Variants in LRP1B observed in about 807,000 individuals in gnomAD.
LRP1B encodes low-density lipoprotein receptor-related protein 1B.
In LRP1B, 217 loss-of-function variants were observed where a neutral mutation model predicts 556.6. That is an observed-to-expected ratio of 0.39 (90% CI 0.35 to 0.44). The LOEUF is 0.44. Among genes scored for constraint, LRP1B ranks in the 20% least tolerant of loss-of-function variants. The pLI, the probability that LRP1B is intolerant of heterozygous loss-of-function variation, is 1.00. For synonymous variants in LRP1B, 2,047 were observed against 1,865.8 expected (o/e 1.10, Z -2.50); for missense variants, 5,053 against 5,620.8 (o/e 0.90, Z 3.23).
chr2:141,222,332 A>C (rs1459943631), intron 6 of LRP1B, among the ~76,000 whole-genome samples: 1 of 152,216 alleles, frequency 6.6e-6, no homozygotes, highest in Non-Finnish European at 1.5e-5. Flanking sequence ...CCCAAGACTG[A>C]ACCAGAAAGA....
intron 3 of LRP1B, among the ~76,000 whole-genome samples, chr2:141,276,861 T>A (rs1484116896): frequency 1.3e-5 from 2 of 152,114 alleles, no homozygotes; most frequent in Non-Finnish European, 2.9e-5. Context: ...TTTCACCCTG[T>A]TAGCCAGGAT....
chr2:141,424,862 G>T (rs1467939962), intron 3 of LRP1B, among the ~76,000 whole-genome samples: 1 of 152,136 alleles, frequency 6.6e-6, no homozygotes, highest in Admixed American at 6.5e-5. Context: ...AGGTTTCAAT[G>T]AACCTGAATT....
chr2:141,584,906 T>C (rs1350013318), intron 2 of LRP1B, among the ~76,000 whole-genome samples: 1 of 151,990 alleles, frequency 6.6e-6, no homozygotes, highest in Non-Finnish European at 1.5e-5. Context: ...GAGGGAGAGA[T>C]GCGGAGTTGT....
Position 140,950,234 on chromosome 2 carries a change from C to G in LRP1B, c.3136+1G>C, listed in dbSNP as rs2105299577. The G allele has an allele frequency of 6.4e-7, 1 of 1,560,732 alleles. No individual in the cohort carries two copies. Among genetic ancestry groups the G allele is most frequent in the South Asian group, 1.2e-5 (1 of 83,430 alleles). On this transcript the variant is annotated splice_donor_variant, in intron 20 of 90. Coordinates refer to ENST00000389484, the MANE Select transcript of LRP1B (RefSeq NM_018557.3). LOFTEE classifies it high-confidence loss of function. The stretch of plus-strand genomic sequence containing the variant: ...TTTCATTAATTTATAAAATTACTAA[C>G]CTTCTTTAGTACAATTGATCTGGGC...
At chr2:142,109,551 T>C (rs1403721178) in intron 1 of LRP1B, among the ~76,000 whole-genome samples, 1 of 152,232 alleles carries the variant, frequency 6.6e-6, no homozygotes, top group Non-Finnish European at 1.5e-5. Flanking sequence ...GTGTTGTTAC[T>C]GTAAGCAATG....
intron 1 of LRP1B, among the ~76,000 whole-genome samples, chr2:141,977,819 T>C (rs1158763500): frequency 6.6e-6 from 1 of 152,164 alleles, no homozygotes; most frequent in African/African-American, 2.4e-5. Flanking sequence ...TAGTCTTTTC[T>C]CAACTTGAAT....
chr2:141,845,540 T>A (rs1397675468), intron 1 of LRP1B, among the ~76,000 whole-genome samples: 1 of 151,800 alleles, frequency 6.6e-6, no homozygotes, highest in African/African-American at 2.4e-5. Context: ...CAGACAGAAG[T>A]TTAGGGGGAC....
intron 23 of LRP1B, among the ~76,000 whole-genome samples, chr2:140,893,065 G>A (rs1693847366): frequency 6.6e-6 from 1 of 152,110 alleles, no homozygotes; most frequent in African/African-American, 2.4e-5. Context: ...CCAAGGGAGG[G>A]CATGAGGAAA....
intron 1 of LRP1B, among the ~76,000 whole-genome samples, chr2:142,082,709 A>C (rs200416857): frequency 6.6e-6 from 1 of 152,234 alleles, no homozygotes; most frequent in East Asian, 1.9e-4. Flanking sequence ...TAAACAGAAT[A>C]GTCAGGTTGT....
intron 1 of LRP1B, among the ~76,000 whole-genome samples, chr2:141,925,264 C>T (rs1228953894): frequency 1.3e-5 from 2 of 152,104 alleles, no homozygotes; most frequent in African/African-American, 4.8e-5. Flanking sequence ...GTTTCCAAAA[C>T]AATCTAATAA....
intron 85 of LRP1B, among the ~76,000 whole-genome samples, chr2:140,271,160 ATAAT>A (rs1682444697): frequency 7.6e-6 from 1 of 132,338 alleles, no homozygotes; most frequent in Admixed American, 7.4e-5. Context: ...AAATAAACAA[ATAAT>A]TAGATTGGAC....
chr2:140,915,341 G>GTC (rs1694542690), intron 21 of LRP1B, among the ~76,000 whole-genome samples: 1 of 151,930 alleles, frequency 6.6e-6, no homozygotes. Flanking sequence ...GGATTAGGAG[G>GTC]CCACAGGATC....
At chr2:141,499,343 A>G (rs931589565) in intron 2 of LRP1B, among the ~76,000 whole-genome samples, 4 of 152,084 alleles carry the variant, frequency 2.6e-5, no homozygotes, top group African/African-American at 4.8e-5. Flanking sequence ...ACAACGATCC[A>G]CTGCCCATGT....
At chr2:140,334,606 T>C (rs374085094) in intron 78 of LRP1B, 47 bp from the exon 79 acceptor site, 3 of 1,057,194 alleles carry the variant, frequency 2.8e-6, no homozygotes, top group South Asian at 3.2e-5. Context: ...GGTGCTGCTA[T>C]AACCAGACTC....
chr2:141,323,852 A>AAC lies in LRP1B; in HGVS notation c.344-69213_344-69212dup, dbSNP rs150732072. Among the ~76,000 whole-genome samples, 4 of 151,560 alleles carry AAC rather than the reference A, an allele frequency of 2.6e-5. No individual in the cohort carries two copies. The East Asian group carries it at 5.8e-4, about 22-fold the overall frequency. On this transcript the variant is annotated intron_variant, in intron 3 of 90. Coordinates refer to ENST00000389484, the MANE Select transcript of LRP1B (RefSeq NM_018557.3). Reference sequence around the variant, plus strand: ...TAGATGCCATGGTAGTGCAAAGGAAAACACACACACACATACACACATACC... The same window carrying AAC: ...TAGATGCCATGGTAGTGCAAAGGAAAACACACACACACACATACACACATACC...
intron 7 of LRP1B, among the ~76,000 whole-genome samples, chr2:141,123,188 A>G (rs1035780868): frequency 1.3e-5 from 2 of 151,674 alleles, no homozygotes; most frequent in Admixed American, 6.6e-5. Context: ...ATACGTATAC[A>G]TATGTAACAA....
At chr2:141,437,475 G>A (rs1050770399) in intron 3 of LRP1B, among the ~76,000 whole-genome samples, 1 of 151,974 alleles carries the variant, frequency 6.6e-6, no homozygotes, top group Non-Finnish European at 1.5e-5. Context: ...CGTATGTAAA[G>A]AAACTCAACT....
intron 23 of LRP1B, among the ~76,000 whole-genome samples, chr2:140,889,645 T>A (rs576517535): frequency 6.6e-6 from 1 of 152,054 alleles, no homozygotes; most frequent in Non-Finnish European, 1.5e-5. Flanking sequence ...CACAAAGCCT[T>A]ATGAGGTGGG....
chr2:142,011,516 T>C (rs1702958240), intron 1 of LRP1B, among the ~76,000 whole-genome samples: 1 of 152,170 alleles, frequency 6.6e-6, no homozygotes, highest in African/African-American at 2.4e-5. Context: ...GGTGACAAAG[T>C]AGTTTTGACA....
Sources: gnomAD v4.1 joint callset for allele counts (sites outside exome capture counted in the v4.1 genomes callset) on GRCh38, gnomAD v4.1.1 for gene constraint, MANE v1.5 for transcripts, NCBI Gene and HGNC (gene_info 2026-07-23, HGNC 2026-07-21) for gene names.